The following IPCEF1 variants were observed in gnomAD, a reference collection of about 807,000 sequenced individuals.
The protein encoded by IPCEF1 is interaction protein for cytohesin exchange factors 1, also known as interactor protein for cytohesin exchange factors 1.
A neutral mutation model predicts 50.9 loss-of-function variants in IPCEF1; 31 were observed. The ratio of observed to expected loss-of-function variants is 0.61; its 90% CI spans 0.46 to 0.82. The LOEUF (loss-of-function observed/expected upper bound fraction) is 0.82. IPCEF1 is among the 40% of genes least tolerant of loss of function. The pLI is 0.00. For missense variants in IPCEF1, 458 were observed against 514.0 expected, an observed-to-expected ratio of 0.89 and a Z score of 1.05; for synonymous variants, 181 against 192.0, an observed-to-expected ratio of 0.94 and a Z score of 0.47.
chr6:154,241,678 G>A (rs976052690), intron 5 of IPCEF1, among the ~76,000 whole-genome samples: 28 of 152,090 alleles, frequency 1.8e-4, no homozygotes, highest in Non-Finnish European at 3.4e-4. Context: ...ATGTCTGAAC[G>A]CCTGCATTTT....
Position 154,349,413 on chromosome 6 carries a change from C to T in IPCEF1, c.-62+7259G>A, listed in dbSNP as rs1021452207. Among the ~76,000 whole-genome samples the T allele has an allele frequency of 2.9e-4, 44 of 151,244 alleles. 1 individual carries two copies. Among genetic ancestry groups the T allele is most frequent in the Admixed American group, 1.8e-3 (27 of 15,162 alleles). ...ATTTATTTATTTATTTTAGTACAGACGAGGTCTTGCTATACGTTGCTTGGG... is the reference window on the plus strand; with the variant it reads ...ATTTATTTATTTATTTTAGTACAGATGAGGTCTTGCTATACGTTGCTTGGG... On this transcript the variant is annotated intron_variant, in intron 1 of 11. Transcript: ENST00000367220.
At chr6:154,229,797 G>A (rs1472517803) in intron 5 of IPCEF1, among the ~76,000 whole-genome samples, 2 of 152,214 alleles carry the variant, frequency 1.3e-5, no homozygotes, top group East Asian at 1.9e-4. Flanking sequence ...TTTATTCATA[G>A]TAACCTAGAA....
At chr6:154,314,423 T>A (rs1364569753) in intron 1 of IPCEF1, among the ~76,000 whole-genome samples, 1 of 152,102 alleles carries the variant, frequency 6.6e-6, no homozygotes, top group Non-Finnish European at 1.5e-5. Context: ...TAGAAAAAAA[T>A]GCAAACATAC....
At chr6:154,326,121 G>A (rs1562290332) in intron 1 of IPCEF1, among the ~76,000 whole-genome samples, 1 of 151,780 alleles carries the variant, frequency 6.6e-6, no homozygotes, top group Non-Finnish European at 1.5e-5. Flanking sequence ...AGCTACTTGG[G>A]AGGCTGAGGT....
At chr6:154,303,590 C>T (rs575226591) in intron 1 of IPCEF1, among the ~76,000 whole-genome samples, 1 of 152,246 alleles carries the variant, frequency 6.6e-6, no homozygotes, top group South Asian at 2.1e-4. Flanking sequence ...GAGAATGATT[C>T]TCATACATTC....
At chr6:154,209,543 G>A (rs1430415708) in intron 9 of IPCEF1, among the ~76,000 whole-genome samples, 1 of 151,866 alleles carries the variant, frequency 6.6e-6, no homozygotes, top group African/African-American at 2.4e-5. Context: ...GCTACTCGGG[G>A]GGCCGAGGTG....
In IPCEF1 at chr6:154,246,528, C is replaced by T. The variant is rs1385934385; in HGVS notation, c.246+63G>A. The T allele has an allele frequency of 2.0e-6, 3 of 1,515,916 alleles. No individual in the cohort carries two copies. The Admixed American group carries it at 6.0e-5, about 30-fold the overall frequency. The allele number at this position is 1,515,916 out of a possible 1,614,324, so 93.9% of individuals were successfully genotyped here. A position where few individuals can be genotyped will look rare whatever the true frequency, so the allele number is the denominator to read the frequency against. Reference sequence around the variant, plus strand: ...AAATGAACTTTCCCATAGGGATCACCTGATGCCTTTAACGTATCCCTCATT... The same window carrying T: ...AAATGAACTTTCCCATAGGGATCACTTGATGCCTTTAACGTATCCCTCATT... On this transcript the variant is annotated intron_variant, in intron 5 of 11. Transcript: ENST00000367220.
chr6:154,230,795 A>C (rs1583858524), intron 5 of IPCEF1, among the ~76,000 whole-genome samples: 2 of 152,288 alleles, frequency 1.3e-5, no homozygotes, highest in Admixed American at 6.5e-5. Flanking sequence ...ATCTATGTAT[A>C]TTTTCATTGC....
chr6:154,197,654 C>A (rs1163720543), intron 10 of IPCEF1, among the ~76,000 whole-genome samples: 1 of 152,212 alleles, frequency 6.6e-6, no homozygotes, highest in African/African-American at 2.4e-5. Context: ...GGCTCTACAG[C>A]ACATGCAATC....
At chr6:154,266,379 TG>T (rs1220564476) in intron 2 of IPCEF1, among the ~76,000 whole-genome samples, 1 of 151,962 alleles carries the variant, frequency 6.6e-6, no homozygotes, top group Non-Finnish European at 1.5e-5. Context: ...AACAAGATCC[TG>T]TCTCTTAAAA....
At chr6:154,331,517 T>C (rs2128693726) in intron 1 of IPCEF1, among the ~76,000 whole-genome samples, 1 of 151,018 alleles carries the variant, frequency 6.6e-6, no homozygotes, top group African/African-American at 2.5e-5. Context: ...AGCAGTTTTA[T>C]GACTTCAATA....
At chr6:154,281,630 G>A (rs1782213821) in intron 2 of IPCEF1, among the ~76,000 whole-genome samples, 1 of 152,298 alleles carries the variant, frequency 6.6e-6, no homozygotes, top group East Asian at 1.9e-4. Flanking sequence ...GGGAGGATGA[G>A]CCAGGTGATA....
intron 1 of IPCEF1, among the ~76,000 whole-genome samples, chr6:154,347,166 A>G (rs369464293): frequency 1.2e-4 from 18 of 152,210 alleles, no homozygotes; most frequent in African/African-American, 4.3e-4. Context: ...CCAGGAATGG[A>G]AAGGTGGACA....
At position 154,181,627 on chromosome 6, in the gene IPCEF1, C is replaced by T. The variant is rs116071232; in HGVS notation, c.911-13514G>A. On this transcript the variant is annotated intron_variant, in intron 10 of 11. Transcript: ENST00000367220. ...ACTGGACAGACCAAGGCTCAGATCC[C>T]TGCTTGAACTACTGCATCTTCAAAG... is the stretch of plus-strand genomic sequence containing the variant. Among the ~76,000 whole-genome samples the T allele has an allele frequency of 1.0e-3, 154 of 152,308 alleles. 1 individual carries two copies. The highest frequency in any genetic ancestry group is 3.6e-3 in the African/African-American group (149 of 41,562).
chr6:154,159,722 G>T lies in IPCEF1; in HGVS notation c.*106C>A. 1.2e-6 allele frequency: 1 copy of T among 812,516 alleles called. No homozygotes were observed. The highest frequency in any genetic ancestry group is 2.0e-6 in the Non-Finnish European group (1 of 500,276). The allele number at this position is 812,516 out of a possible 1,614,324, so 50.3% of individuals were successfully genotyped here. A position where few individuals can be genotyped will look rare whatever the true frequency, so the allele number is the denominator to read the frequency against. Reference sequence around the variant, plus strand: ...ATCTTTAGATGGGAAGCTGATGCTTGAAGGACTGGGTTTCAGTTTTCCTTT... The same window carrying T: ...ATCTTTAGATGGGAAGCTGATGCTTTAAGGACTGGGTTTCAGTTTTCCTTT... On this transcript the variant is annotated 3_prime_UTR_variant, in exon 12 of 12. Transcript: ENST00000367220.
intron 1 of IPCEF1, among the ~76,000 whole-genome samples, chr6:154,308,244 A>G (rs1782986786): frequency 6.6e-6 from 1 of 152,202 alleles, no homozygotes; most frequent in African/African-American, 2.4e-5. Flanking sequence ...CTTTCCAAGT[A>G]GCTGGGACTA....
At chr6:154,260,618 A>C (rs1332470245) in intron 3 of IPCEF1, among the ~76,000 whole-genome samples, 1 of 151,994 alleles carries the variant, frequency 6.6e-6, no homozygotes, top group Non-Finnish European at 1.5e-5. Flanking sequence ...AATTACAGGC[A>C]CACGCCACCA....
intron 3 of IPCEF1, among the ~76,000 whole-genome samples, chr6:154,261,616 G>A (rs1171561377): frequency 6.6e-6 from 1 of 152,198 alleles, no homozygotes; most frequent in Non-Finnish European, 1.5e-5. Context: ...TTAGAAGAGA[G>A]AAAAGAATAC....
intron 1 of IPCEF1, among the ~76,000 whole-genome samples, chr6:154,344,745 T>C (rs1783992499): frequency 6.6e-6 from 1 of 152,172 alleles, no homozygotes. Context: ...CTTTGCCCTT[T>C]TTTTCTCAAC....
Sources: allele counts gnomAD v4.1 joint callset (sites outside exome capture counted in the v4.1 genomes callset), GRCh38; gene constraint gnomAD v4.1.1; transcripts MANE v1.5; gene names NCBI Gene and HGNC (gene_info 2026-07-23, HGNC 2026-07-21).